Variants in HS6ST3 observed in about 807,000 individuals in gnomAD.
The protein encoded by HS6ST3 is heparan sulfate 6-O-sulfotransferase 3.
HS6ST3 carries 12 observed loss-of-function variants against 36.7 expected under a neutral mutation model. The ratio of observed to expected loss-of-function variants is 0.33; its 90% confidence interval spans 0.21 to 0.53. HS6ST3 has a LOEUF of 0.53. HS6ST3 is among the 20% of genes least tolerant of loss of function. HS6ST3 has a pLI of 0.95. For missense variants in HS6ST3, 584 were observed against 640.9 expected (o/e 0.91, Z 0.96); for synonymous variants, 240 against 257.5 (o/e 0.93, Z 0.65).
At chr13:96,392,517 G>A (rs931328560) in intron 1 of HS6ST3, among the ~76,000 whole-genome samples, 1 of 152,252 alleles carries the variant, frequency 6.6e-6, no homozygotes. Context: ...CAGAGCGTTG[G>A]TTTGAAGGAA....
At chr13:96,318,003 T>A (rs1465218398) in intron 1 of HS6ST3, among the ~76,000 whole-genome samples, 1 of 152,104 alleles carries the variant, frequency 6.6e-6, no homozygotes, top group Non-Finnish European at 1.5e-5. Flanking sequence ...TTCTGTAGGG[T>A]GTTTCCTCTG....
chr13:96,195,033 A>G (rs2054305542), intron 1 of HS6ST3, among the ~76,000 whole-genome samples: 1 of 152,226 alleles, frequency 6.6e-6, no homozygotes, highest in Non-Finnish European at 1.5e-5. Context: ...TTTAAAATGC[A>G]ACTTCATTGA....
At position 96,658,268 on chromosome 13, in the gene HS6ST3, C is replaced by CTTCTTTTTTTTTTTTT. The variant is rs1566422902; in HGVS notation, c.708-174220_708-174219insCTTTTTTTTTTTTTTT. ...TTCTTCTTCTTCTTCTCTTCTTCTT[C>CTTCTTTTTTTTTTTTT]TTTTTTTTTTTTTTTTTTTTTTTTT... On this transcript the variant is annotated intron_variant, in intron 1 of 1. Coordinates refer to ENST00000376705, the MANE Select transcript of HS6ST3 (RefSeq NM_153456.4). 1.9e-3 allele frequency among the ~76,000 whole-genome samples: 148 copies of CTTCTTTTTTTTTTTTT among 76,088 alleles called. 10 individuals carry two copies. The highest frequency in any genetic ancestry group is 2.9e-3 in the Non-Finnish European group (120 of 40,984). 49.9% of individuals were successfully genotyped at this position (76,088 alleles called of 152,430 possible).
intron 1 of HS6ST3, among the ~76,000 whole-genome samples, chr13:96,475,950 A>C (rs2055862261): frequency 6.6e-6 from 1 of 152,176 alleles, no homozygotes; most frequent in Non-Finnish European, 1.5e-5. Context: ...AAACTAACCG[A>C]AAAACCATCC....
At chr13:96,151,665 CAGA>C (rs2054085732) in intron 1 of HS6ST3, among the ~76,000 whole-genome samples, 2 of 152,178 alleles carry the variant, frequency 1.3e-5, no homozygotes, top group Admixed American at 1.3e-4. Flanking sequence ...CTCTAGTGGT[CAGA>C]AGTCCTAAAC....
chr13:96,758,354 G>A (rs1438979962), intron 1 of HS6ST3, among the ~76,000 whole-genome samples: 1 of 151,820 alleles, frequency 6.6e-6, no homozygotes, highest in East Asian at 1.9e-4. Context: ...TTTAACAAAC[G>A]TATTTCAAAG....
At chr13:96,121,606 C>T (rs2053925682) in intron 1 of HS6ST3, among the ~76,000 whole-genome samples, 1 of 152,236 alleles carries the variant, frequency 6.6e-6, no homozygotes, top group African/African-American at 2.4e-5. Flanking sequence ...GTGAGGCCAA[C>T]TCTCCTCCAG....
intron 1 of HS6ST3, among the ~76,000 whole-genome samples, chr13:96,142,724 A>G (rs1413906338): frequency 6.6e-6 from 1 of 152,184 alleles, no homozygotes; most frequent in African/African-American, 2.4e-5. Context: ...CATATATGTC[A>G]GAAACAATGG....
chr13:96,154,954 G>A (rs1177405375), intron 1 of HS6ST3, among the ~76,000 whole-genome samples: 2 of 152,002 alleles, frequency 1.3e-5, no homozygotes, highest in Non-Finnish European at 2.9e-5. Context: ...TAATACAAAT[G>A]TAGAACAATA....
At chr13:96,641,071 T>C (rs1432731298) in intron 1 of HS6ST3, among the ~76,000 whole-genome samples, 2 of 151,970 alleles carry the variant, frequency 1.3e-5, no homozygotes, top group Non-Finnish European at 2.9e-5. Flanking sequence ...AGAATAGTTT[T>C]TTTTCCTAGT....
intron 1 of HS6ST3, among the ~76,000 whole-genome samples, chr13:96,535,669 A>G (rs1460906275): frequency 6.6e-6 from 1 of 152,172 alleles, no homozygotes; most frequent in Non-Finnish European, 1.5e-5. Flanking sequence ...CACATATAAA[A>G]GTGAATAATT....
intron 1 of HS6ST3, among the ~76,000 whole-genome samples, chr13:96,196,556 T>C (rs911245602): frequency 6.6e-6 from 1 of 152,196 alleles, no homozygotes; most frequent in Non-Finnish European, 1.5e-5. Context: ...CTCAAGGCCA[T>C]GGGACCAGTG....
At chr13:96,612,290 C>T (rs1311400287) in intron 1 of HS6ST3, among the ~76,000 whole-genome samples, 1 of 151,978 alleles carries the variant, frequency 6.6e-6, no homozygotes. Flanking sequence ...CATTTGGCTT[C>T]CCAGACCCCC....
intron 1 of HS6ST3, among the ~76,000 whole-genome samples, chr13:96,396,941 G>A (rs187252521): frequency 6.4e-4 from 98 of 152,292 alleles, no homozygotes; most frequent in Non-Finnish European, 1.1e-3. Flanking sequence ...GGTGGCACAC[G>A]CCTGTAATCC....
At chr13:96,359,347 CTCA>C (rs546612151) in intron 1 of HS6ST3, among the ~76,000 whole-genome samples, 1 of 152,122 alleles carries the variant, frequency 6.6e-6, no homozygotes, top group Non-Finnish European at 1.5e-5. Flanking sequence ...TATTGAACAG[CTCA>C]TCATAAAAGA....
At chr13:96,333,646 G>T (rs2055084421) in intron 1 of HS6ST3, among the ~76,000 whole-genome samples, 1 of 152,096 alleles carries the variant, frequency 6.6e-6, no homozygotes, top group Non-Finnish European at 1.5e-5. Context: ...TTATATACAG[G>T]GTAGAAGAAT....
intron 1 of HS6ST3, among the ~76,000 whole-genome samples, chr13:96,108,685 C>G (rs552867807): frequency 1.3e-5 from 2 of 152,078 alleles, no homozygotes; most frequent in Non-Finnish European, 2.9e-5. Flanking sequence ...GAAAAGAACC[C>G]ATGTTAAAAT....
In HS6ST3 at chr13:96,573,626, G is replaced by T. The variant is rs769606084; in HGVS notation, c.708-258864G>T. 5.4e-4 allele frequency: 136 copies of T among 249,622 alleles called. No homozygotes were observed. The Middle Eastern group carries it at 0.015, about 27-fold the overall frequency. 15.5% of individuals were successfully genotyped at this position (249,622 alleles called of 1,614,324 possible). The stretch of plus-strand genomic sequence containing the variant: ...TTCTAGAACTCGAGCACCCAATCAG[G>T]ATAGGAAAAATACATCCTCCACTGG... On this transcript the variant is annotated intron_variant, in intron 1 of 1. Transcript: ENST00000376705.
At chr13:96,645,545 G>C (rs1377879705) in intron 1 of HS6ST3, among the ~76,000 whole-genome samples, 1 of 151,232 alleles carries the variant, frequency 6.6e-6, no homozygotes, top group African/African-American at 2.4e-5. Context: ...GCCTGAACAT[G>C]CATTGAAATC....
Sources: gnomAD v4.1 joint callset for allele counts (sites outside exome capture counted in the v4.1 genomes callset) on GRCh38, gnomAD v4.1.1 for gene constraint, MANE v1.5 for transcripts, NCBI Gene and HGNC (gene_info 2026-07-23, HGNC 2026-07-21) for gene names.